Variants in SMYD3 observed in about 807,000 individuals in gnomAD.
SMYD3 encodes histone-lysine N-methyltransferase SMYD3.
SMYD3 carries 36 observed loss-of-function variants against 57.7 expected under a neutral mutation model. That is an observed-to-expected ratio of 0.62 (90% CI 0.48 to 0.82). The LOEUF is 0.82. Ranked by LOEUF, SMYD3 falls within the 40% of genes least tolerant of loss-of-function variation. The probability of loss-of-function intolerance (pLI) is 0.00; values close to 1 mark genes in which losing one functional copy is unlikely to be tolerated. For synonymous variants in SMYD3, 211 were observed against 195.0 expected, an observed-to-expected ratio of 1.08 and a Z score of -0.68; for missense variants, 515 against 538.8, an observed-to-expected ratio of 0.96 and a Z score of 0.44.
At chr1:246,170,611 T>C (rs1258412015) in intron 5 of SMYD3, among the ~76,000 whole-genome samples, 4 of 152,118 alleles carry the variant, frequency 2.6e-5, no homozygotes, top group Non-Finnish European at 5.9e-5. Context: ...ACAAAAACGG[T>C]AGTAATACAA....
Position 246,054,873 on chromosome 1 carries a change from T to TAAAAAAAAAA in SMYD3, c.532-124946_532-124937dup, listed in dbSNP as rs749022916. Among the ~76,000 whole-genome samples, 238 of 79,022 alleles carry TAAAAAAAAAA rather than the reference T, an allele frequency of 3.0e-3. 7 individuals carry two copies. Among genetic ancestry groups the TAAAAAAAAAA allele is most frequent in the East Asian group, 6.0e-3 (17 of 2,836 alleles). The allele number at this position is 79,022 out of a possible 152,430, so 51.8% of individuals were successfully genotyped here. A position where few individuals can be genotyped will look rare whatever the true frequency, so the allele number is the denominator to read the frequency against. ...ACCTTAACACTCATTAGGATGACTA[T>TAAAAAAAAAA]AAAAAAAAAAAAAAAAAAAAGGCCA... is the stretch of plus-strand genomic sequence containing the variant. On this transcript the variant is annotated intron_variant, in intron 5 of 11. Transcript: ENST00000490107.
At chr1:245,765,289 T>C (rs1572273677) in intron 10 of SMYD3, among the ~76,000 whole-genome samples, 1 of 150,270 alleles carries the variant, frequency 6.7e-6, no homozygotes, top group Non-Finnish European at 1.5e-5. Flanking sequence ...CCCAGCTACC[T>C]AGGACGCTGA....
intron 5 of SMYD3, among the ~76,000 whole-genome samples, chr1:246,124,622 T>C (rs1173046280): frequency 6.6e-6 from 1 of 152,096 alleles, no homozygotes; most frequent in Admixed American, 6.5e-5. Context: ...CCTAATGAGA[T>C]AGATGAATGA....
At chr1:246,220,359 AC>A (rs1425533959) in intron 5 of SMYD3, among the ~76,000 whole-genome samples, 1 of 134,720 alleles carries the variant, frequency 7.4e-6, no homozygotes, top group Non-Finnish European at 1.6e-5. Context: ...AGACCCAGGC[AC>A]CTGCAGCCTC....
intron 7 of SMYD3, among the ~76,000 whole-genome samples, chr1:245,920,237 C>T (rs1039806024): frequency 2.8e-5 from 4 of 143,196 alleles, no homozygotes; most frequent in East Asian, 2.1e-4. Context: ...GGCGTGAACT[C>T]GGGAGGCGGA....
At chr1:245,787,575 C>T (rs1230177224) in intron 10 of SMYD3, among the ~76,000 whole-genome samples, 3 of 151,920 alleles carry the variant, frequency 2.0e-5, no homozygotes, top group Non-Finnish European at 2.9e-5. Context: ...CCCTCTTTAC[C>T]CAGTCAAAAC....
At chr1:246,067,626 T>C (rs948506028) in intron 5 of SMYD3, among the ~76,000 whole-genome samples, 1 of 152,044 alleles carries the variant, frequency 6.6e-6, no homozygotes, top group Non-Finnish European at 1.5e-5. Context: ...CCCACAGCCT[T>C]GGGGCGCTCC....
At chr1:245,915,757 A>C in intron 7 of SMYD3, 117 bp from the exon 8 acceptor site, 2 of 605,222 alleles carry the variant, frequency 3.3e-6, no homozygotes, top group South Asian at 5.2e-5. Flanking sequence ...TAAACCAAAA[A>C]TATAAGAGAG....
intron 5 of SMYD3, among the ~76,000 whole-genome samples, chr1:246,116,503 A>C (rs768922657): frequency 6.6e-6 from 1 of 152,206 alleles, no homozygotes; most frequent in Non-Finnish European, 1.5e-5. Flanking sequence ...TCCTTCTTTT[A>C]ACTTGTAAGT....
intron 5 of SMYD3, among the ~76,000 whole-genome samples, chr1:246,177,314 G>C (rs1046529418): frequency 6.6e-6 from 1 of 152,124 alleles, no homozygotes. Flanking sequence ...TCATTTAAGA[G>C]TTTATAAGTT....
chr1:246,214,914 A>C (rs10802348), intron 5 of SMYD3, among the ~76,000 whole-genome samples: 2 of 151,998 alleles, frequency 1.3e-5, no homozygotes, highest in African/African-American at 4.8e-5. Context: ...TATATGCTCT[A>C]TTATCAAATA....
At chr1:246,076,258 C>T (rs1344904379) in intron 5 of SMYD3, among the ~76,000 whole-genome samples, 1 of 152,110 alleles carries the variant, frequency 6.6e-6, no homozygotes, top group East Asian at 1.9e-4. Context: ...TTCTCTGTTC[C>T]ATTCACAATT....
At chr1:246,390,315 T>C (rs995722104) in intron 1 of SMYD3, among the ~76,000 whole-genome samples, 1 of 151,770 alleles carries the variant, frequency 6.6e-6, no homozygotes, top group Admixed American at 6.6e-5. Context: ...TATTATATAC[T>C]GTATTTTTAA....
intron 10 of SMYD3, among the ~76,000 whole-genome samples, chr1:245,840,656 T>TGGAC (rs2050354452): frequency 6.6e-6 from 1 of 152,110 alleles, no homozygotes; most frequent in African/African-American, 2.4e-5. Flanking sequence ...TACCTAGGAA[T>TGGAC]GGACCACTTC....
intron 4 of SMYD3, 58 bp downstream of exon 4, chr1:246,330,422 C>T: frequency 7.3e-7 from 1 of 1,366,402 alleles, no homozygotes; most frequent in Non-Finnish European, 1.0e-6. Context: ...AATCCATTCA[C>T]CAACTCAGCA....
chr1:246,356,229 T>C (rs1421387472), intron 1 of SMYD3, among the ~76,000 whole-genome samples: 1 of 152,006 alleles, frequency 6.6e-6, no homozygotes, highest in Non-Finnish European at 1.5e-5. Flanking sequence ...GGAAGCTCCA[T>C]CCCTGGGGGA....
At chr1:245,927,318 C>G (rs2147834094) in intron 7 of SMYD3, among the ~76,000 whole-genome samples, 1 of 152,342 alleles carries the variant, frequency 6.6e-6, no homozygotes, top group East Asian at 1.9e-4. Flanking sequence ...GTCTGTCAAA[C>G]TGGAGGGGTC....
intron 10 of SMYD3, among the ~76,000 whole-genome samples, chr1:245,838,413 G>A (rs1323211638): frequency 6.6e-6 from 1 of 152,202 alleles, no homozygotes; most frequent in Non-Finnish European, 1.5e-5. Context: ...GAGGGCTAAT[G>A]GTGGGAGAAA....
At position 246,507,146 on chromosome 1, in the gene SMYD3, C is replaced by T. The variant is rs1572068225; in HGVS notation, c.72G>A (p.Leu24=). 1 of 1,533,416 alleles carries T rather than the reference C, an allele frequency of 6.5e-7. No individual in the cohort carries two copies. The allele number at this position is 1,533,416 out of a possible 1,614,324, so 95.0% of individuals were successfully genotyped here. A position where few individuals can be genotyped will look rare whatever the true frequency, so the allele number is the denominator to read the frequency against. Reference sequence around the variant, plus strand: ...AGCGGAAGAGTAGCTCTCCGGGGCGCAGCGGGGTCACGGCGCGCAGCCCGT... The same window carrying T: ...AGCGGAAGAGTAGCTCTCCGGGGCGTAGCGGGGTCACGGCGCGCAGCCCGT... The part of the protein sequence containing the change: ...RGNGLRAVTP[L]RPGELLFRSD... Residue 24 remains leucine (L), a synonymous_variant, in exon 1 of 12, where the codon CTG becomes CTA. Coordinates refer to ENST00000490107, the MANE Select transcript of SMYD3 (RefSeq NM_001167740.2).
Sources: gnomAD v4.1 joint callset for allele counts (sites outside exome capture counted in the v4.1 genomes callset) on GRCh38, gnomAD v4.1.1 for gene constraint, MANE v1.5 for transcripts, NCBI Gene and HGNC (gene_info 2026-07-23, HGNC 2026-07-21) for gene names.